CADM2: variants seen among roughly 807,000 people sequenced by gnomAD.
The protein encoded by CADM2 is cell adhesion molecule 2.
In CADM2, 12 loss-of-function variants were observed where a neutral mutation model predicts 49.8. That is an observed-to-expected ratio of 0.24 (90% CI 0.15 to 0.39). The LOEUF (loss-of-function observed/expected upper bound fraction) is 0.39. CADM2 is among the 10% of genes least tolerant of loss of function. CADM2 has a pLI of 1.00. For missense variants in CADM2, 378 were observed against 492.3 expected (o/e 0.77, Z 2.20); for synonymous variants, 214 against 175.4 (o/e 1.22, Z -1.74).
chr3:85,820,449 T>C (rs1340324001), intron 3 of CADM2, among the ~76,000 whole-genome samples: 1 of 151,998 alleles, frequency 6.6e-6, no homozygotes, highest in Admixed American at 6.6e-5. Context: ...GAGTTAGCAA[T>C]GAGGATGATG....
intron 1 of CADM2, among the ~76,000 whole-genome samples, chr3:85,722,354 GTCTCTT>G (rs1317918493): frequency 6.6e-6 from 1 of 152,130 alleles, no homozygotes; most frequent in African/African-American, 2.4e-5. Flanking sequence ...AGGAATCTCT[GTCTCTT>G]TAAAAAATCT....
At chr3:86,021,107 C>T (rs1013132671) in intron 8 of CADM2, among the ~76,000 whole-genome samples, 9 of 152,246 alleles carry the variant, frequency 5.9e-5, no homozygotes, top group African/African-American at 1.9e-4. Context: ...TTAAGTGATT[C>T]TCATGCCTCA....
At chr3:85,425,782 A>G (rs115519792) in intron 1 of CADM2, among the ~76,000 whole-genome samples, 9,398 of 152,234 alleles carry the variant, frequency 0.062, 685 homozygotes, top group African/African-American at 0.17. Flanking sequence ...TAAAGGTGGG[A>G]CACCAGGGGG....
chr3:85,746,330 A>G (rs2068618645), intron 2 of CADM2, among the ~76,000 whole-genome samples: 1 of 152,214 alleles, frequency 6.6e-6, no homozygotes, highest in African/African-American at 2.4e-5. Flanking sequence ...TTACATAAAT[A>G]GAACTGATGG....
chr3:85,833,278 T>TTTGTTGTTGTTGTTGTTGTTG (rs57879763), intron 3 of CADM2, among the ~76,000 whole-genome samples: 2 of 150,940 alleles, frequency 1.3e-5, no homozygotes, highest in Non-Finnish European at 3.0e-5. Context: ...TGCAGTTTTC[T>TTTGTTGTTGTTGTTGTTGTTG]TTGTTGTTGT....
At chr3:85,278,944 T>C (rs72919246) in intron 1 of CADM2, among the ~76,000 whole-genome samples, 10,296 of 151,484 alleles carry the variant, frequency 0.068, 1,145 homozygotes, top group African/African-American at 0.23. Flanking sequence ...ATTTTGACTT[T>C]TCCACAATTA....
chr3:86,066,355 A>AAAAAAAT (rs1739331043), intron 9 of CADM2, among the ~76,000 whole-genome samples: 1 of 150,500 alleles, frequency 6.6e-6, no homozygotes, highest in African/African-American at 2.5e-5. Flanking sequence ...AAAAAAAAAA[A>AAAAAAAT]AAAGATCTTA....
intron 8 of CADM2, among the ~76,000 whole-genome samples, chr3:86,046,128 T>C (rs1392843361): frequency 1.3e-5 from 2 of 152,174 alleles, no homozygotes. Context: ...TAAATTAAAG[T>C]TAGTAAGAAG....
At chr3:85,528,052 A>G (rs1044624226) in intron 1 of CADM2, among the ~76,000 whole-genome samples, 2 of 152,194 alleles carry the variant, frequency 1.3e-5, no homozygotes, top group African/African-American at 4.8e-5. Context: ...CTTAGGGACA[A>G]AGATCACTTT....
intron 1 of CADM2, among the ~76,000 whole-genome samples, chr3:85,489,697 A>G (rs9855031): frequency 2.8e-5 from 3 of 105,440 alleles, no homozygotes; most frequent in African/African-American, 8.2e-5. Flanking sequence ...AAAAAAAAAC[A>G]AAAAAAAGAA....
At chr3:85,952,987 TA>T (rs374066165) in intron 7 of CADM2, among the ~76,000 whole-genome samples, 3 of 148,400 alleles carry the variant, frequency 2.0e-5, no homozygotes, top group African/African-American at 7.6e-5. Flanking sequence ...TTTCTTACTT[TA>T]TTTTTTTTTT....
intron 1 of CADM2, among the ~76,000 whole-genome samples, chr3:85,295,029 A>G (rs1241419065): frequency 3.3e-5 from 5 of 152,182 alleles, no homozygotes; most frequent in African/African-American, 9.6e-5. Flanking sequence ...GAAAATTTTC[A>G]CAACCTACTC....
intron 1 of CADM2, among the ~76,000 whole-genome samples, chr3:85,688,931 A>AT (rs1443579767): frequency 6.6e-6 from 1 of 152,112 alleles, no homozygotes; most frequent in Non-Finnish European, 1.5e-5. Flanking sequence ...TTTCATTCCT[A>AT]TGTAGTTACC....
chr3:84,984,603 GAA>G (rs537715116), intron 1 of CADM2, among the ~76,000 whole-genome samples: 2 of 130,812 alleles, frequency 1.5e-5, no homozygotes, highest in African/African-American at 5.6e-5. Flanking sequence ...CTTAAAAAAA[GAA>G]AAAAAAAAAA....
intron 8 of CADM2, among the ~76,000 whole-genome samples, chr3:86,033,855 A>G (rs9817552): frequency 3.4e-5 from 5 of 147,940 alleles, no homozygotes; most frequent in Non-Finnish European, 7.4e-5. Flanking sequence ...TTATATATTT[A>G]TATATAACAA....
intron 8 of CADM2, among the ~76,000 whole-genome samples, chr3:86,016,955 T>A (rs182677180): frequency 1.4e-4 from 22 of 152,124 alleles, no homozygotes; most frequent in Admixed American, 1.4e-3. Flanking sequence ...TTGAGAATAC[T>A]TAGAAAAACA....
In CADM2 at chr3:86,071,022, C is replaced by T. The variant is rs1739821932; in HGVS notation, c.*4239C>T. The stretch of plus-strand genomic sequence containing the variant: ...AATCTTCACCTCTCACATACTAAAG[C>T]ATTCATTAAAAATACAACTAATTCA... On this transcript the variant is annotated 3_prime_UTR_variant, in exon 10 of 10. Coordinates refer to ENST00000383699, the MANE Select transcript of CADM2 (RefSeq NM_001167675.2). 6.6e-6 allele frequency: 1 copy of T among 151,870 alleles called. No homozygotes were observed. The highest frequency in any genetic ancestry group is 1.5e-5 in the Non-Finnish European group (1 of 67,818). 9.4% of individuals were successfully genotyped at this position (151,870 alleles called of 1,614,324 possible). A position where few individuals can be genotyped will look rare whatever the true frequency, so the allele number is the denominator to read the frequency against.
chr3:85,393,989 G>A (rs2034646249), intron 1 of CADM2, among the ~76,000 whole-genome samples: 1 of 152,034 alleles, frequency 6.6e-6, no homozygotes, highest in African/African-American at 2.4e-5. Context: ...TGTATTTTTA[G>A]TAGAGACGGG....
At chr3:85,108,385 A>G (rs566146078) in intron 1 of CADM2, among the ~76,000 whole-genome samples, 120 of 152,338 alleles carry the variant, frequency 7.9e-4, no homozygotes, top group African/African-American at 2.8e-3. Context: ...AATTTCTGGT[A>G]CATGCTAGGG....
Sources: gnomAD v4.1 joint callset for allele counts (sites outside exome capture counted in the v4.1 genomes callset) on GRCh38, gnomAD v4.1.1 for gene constraint, MANE v1.5 for transcripts, NCBI Gene and HGNC (gene_info 2026-07-23, HGNC 2026-07-21) for gene names.